MALRD1: variants seen among roughly 807,000 people sequenced by gnomAD.
MALRD1 encodes the protein MAM and LDL receptor class A domain containing 1.
A neutral mutation model predicts 242.1 loss-of-function variants in MALRD1; 247 were observed. The ratio of observed to expected loss-of-function variants is 1.02; its 90% CI spans 0.92 to 1.13. MALRD1 has a LOEUF of 1.13. Among genes scored for constraint, MALRD1 ranks in the 50% most tolerant of loss-of-function variants. MALRD1 has a pLI of 0.00. For missense variants in MALRD1, 2,989 were observed against 2,533.1 expected (o/e 1.18, Z -3.86); for synonymous variants, 995 against 866.6 (o/e 1.15, Z -2.60).
At chr10:19,515,655 G>A (rs1480090863) in intron 31 of MALRD1, among the ~76,000 whole-genome samples, 2 of 151,924 alleles carry the variant, frequency 1.3e-5, no homozygotes, top group Non-Finnish European at 2.9e-5. Flanking sequence ...TGCCTCCCGG[G>A]TTCACGCCAT....
At chr10:19,397,254 C>T (rs775200656) in intron 28 of MALRD1, among the ~76,000 whole-genome samples, 7 of 152,168 alleles carry the variant, frequency 4.6e-5, no homozygotes, top group Admixed American at 1.3e-4. Context: ...CCCCTGTCCC[C>T]TCCACATTCT....
At chr10:19,262,250 A>G (rs905551024) in intron 19 of MALRD1, among the ~76,000 whole-genome samples, 2 of 152,112 alleles carry the variant, frequency 1.3e-5, no homozygotes, top group African/African-American at 4.8e-5. Flanking sequence ...AAGGTGTACA[A>G]TATGATGTTT....
In MALRD1 at chr10:19,205,245, G is replaced by A. The variant is rs1836734290; in HGVS notation, c.2558G>A (p.Arg853His). 3.2e-6 allele frequency: 5 copies of A among 1,549,262 alleles called. No homozygotes were observed. The highest frequency in any genetic ancestry group is 2.7e-5 in the African/African-American group (2 of 73,040). ...GATCTGGTGGATGACTGTGGTGATCGTACTGATGAAGTCAACTGTGGTAAG... is the reference window on the plus strand; with the variant it reads ...GATCTGGTGGATGACTGTGGTGATCATACTGATGAAGTCAACTGTGGTAAG... ...LCDLVDDCGD[R>H]TDEVNCAPEL... Residue 853 changes from arginine to histidine, a missense_variant, in exon 17 of 40, where the codon CGT (arginine) becomes CAT (histidine). Physicochemically the swap from Arg to His is conservative, Grantham distance 29 (BLOSUM62 0). Coordinates refer to ENST00000454679, the MANE Select transcript of MALRD1 (RefSeq NM_001142308.3).
At chr10:19,105,652 A>G (rs981016215) in intron 5 of MALRD1, among the ~76,000 whole-genome samples, 6 of 152,012 alleles carry the variant, frequency 3.9e-5, no homozygotes, top group South Asian at 4.1e-4. Flanking sequence ...TACCAACAGT[A>G]TATAAGTATT....
intron 36 of MALRD1, among the ~76,000 whole-genome samples, chr10:19,643,446 C>CA (rs373802756): frequency 8.0e-5 from 12 of 149,750 alleles, no homozygotes; most frequent in Admixed American, 1.3e-4. Context: ...AACTCCGTCT[C>CA]AAAAAAAAAT....
Position 19,713,054 on chromosome 10 carries a change from T to C in MALRD1, c.6315-17652T>C, listed in dbSNP as rs1016280613. Among the ~76,000 whole-genome samples, 28 of 151,190 alleles carry C rather than the reference T, an allele frequency of 1.9e-4. 1 individual carries two copies. The highest frequency in any genetic ancestry group is 6.8e-4 in the African/African-American group (28 of 41,136). ...AGAAACCAGAAATGAAGGGGGGGGT[T>C]CCTCTTTCAGCTTTGGAGGAGACCC... On this transcript the variant is annotated intron_variant, in intron 38 of 39. Coordinates refer to ENST00000454679, the MANE Select transcript of MALRD1 (RefSeq NM_001142308.3).
rs1833154028 is a variant in MALRD1 at position 19,132,556 on chromosome 10, G to T, written c.1111-1300G>T. 2.0e-5 allele frequency among the ~76,000 whole-genome samples: 3 copies of T among 152,084 alleles called. No individual in the cohort carries two copies. The South Asian group carries it at 6.2e-4, about 32-fold the overall frequency. Reference sequence around the variant, plus strand: ...TAGATTCATTTTTAGAAAATCTTGGGCATGCATAAATTATGTGAGGCTGAG... The same window carrying T: ...TAGATTCATTTTTAGAAAATCTTGGTCATGCATAAATTATGTGAGGCTGAG... On this transcript the variant is annotated intron_variant, in intron 8 of 39. Transcript: ENST00000454679.
rs182333184 is a variant in MALRD1 at position 19,121,151 on chromosome 10, C to A, written c.695-2341C>A. ...CTCCGCCTCCTGGGTTCAAGCAATT[C>A]TCCTGCCTCAGATTTCCTGGCTGGG... is the stretch of plus-strand genomic sequence containing the variant. On this transcript the variant is annotated intron_variant, in intron 5 of 39. Transcript: ENST00000454679. 2.1e-5 allele frequency among the ~76,000 whole-genome samples: 3 copies of A among 145,944 alleles called. No homozygotes were observed. In the East Asian group the frequency reaches 6.7e-4, roughly 32 times the overall value.
chr10:19,114,738 A>G (rs1393022606), intron 5 of MALRD1, among the ~76,000 whole-genome samples: 1 of 152,184 alleles, frequency 6.6e-6, no homozygotes, highest in African/African-American at 2.4e-5. Flanking sequence ...CTGCCATAAC[A>G]AAGTACCTCA....
intron 26 of MALRD1, among the ~76,000 whole-genome samples, chr10:19,380,752 T>G (rs1174070527): frequency 6.6e-6 from 1 of 152,204 alleles, no homozygotes; most frequent in Non-Finnish European, 1.5e-5. Flanking sequence ...TGCCACATTT[T>G]GATACATTAC....
At chr10:19,530,418 A>ATTTATAT (rs1200557957) in intron 31 of MALRD1, among the ~76,000 whole-genome samples, 1 of 83,770 alleles carries the variant, frequency 1.2e-5, no homozygotes, top group African/African-American at 6.3e-5. Context: ...TTTATATAAT[A>ATTTATAT]ATAAATATAT....
intron 24 of MALRD1, among the ~76,000 whole-genome samples, chr10:19,345,803 T>G (rs1844094343): frequency 6.6e-6 from 1 of 152,100 alleles, no homozygotes; most frequent in African/African-American, 2.4e-5. Flanking sequence ...AATGATTATT[T>G]TAAGCCCTTT....
intron 8 of MALRD1, among the ~76,000 whole-genome samples, chr10:19,132,201 G>A (rs1035779559): frequency 2.6e-5 from 4 of 152,274 alleles, no homozygotes; most frequent in Middle Eastern, 3.4e-3. Flanking sequence ...AAATGAAAAC[G>A]GGGAAAGTGG....
At chr10:19,249,533 C>G (rs1195206778) in intron 18 of MALRD1, among the ~76,000 whole-genome samples, 2 of 151,784 alleles carry the variant, frequency 1.3e-5, no homozygotes, top group East Asian at 3.9e-4. Flanking sequence ...ACATTAAGAG[C>G]TTATAATGTG....
intron 2 of MALRD1, among the ~76,000 whole-genome samples, chr10:19,068,123 C>G (rs565982328): frequency 6.6e-6 from 1 of 152,012 alleles, no homozygotes; most frequent in East Asian, 1.9e-4. Context: ...ATATGTCTCT[C>G]CTTTGTTTCT....
At position 19,567,696 on chromosome 10, in the gene MALRD1, G is replaced by T; in HGVS notation, c.5673G>T (p.Val1891=). ...ACATCTCTTTTACCCCAGAGTGTGT[G>T]ACTGGAGGTAAGTGATTCTTTCAGA... The part of the protein sequence containing the change: ...LDDISFTPEC[V]TGGPVPVQPS... The change falls in exon 33 of 40, where the codon GTG becomes GTT. Residue 1891 remains valine (V), a synonymous_variant. Coordinates refer to ENST00000454679, the MANE Select transcript of MALRD1 (RefSeq NM_001142308.3). 2 of 1,550,152 alleles carry T rather than the reference G, an allele frequency of 1.3e-6. No homozygotes were observed. The highest frequency in any genetic ancestry group is 2.4e-5 in the South Asian group (2 of 84,002).
intron 21 of MALRD1, among the ~76,000 whole-genome samples, chr10:19,304,772 ACTTTT>A (rs1480365623): frequency 6.6e-6 from 1 of 151,792 alleles, no homozygotes; most frequent in African/African-American, 2.4e-5. Context: ...TCATAAATAA[ACTTTT>A]CTTTATTTCT....
At chr10:19,717,412 G>A (rs1212440189) in intron 38 of MALRD1, among the ~76,000 whole-genome samples, 2 of 152,200 alleles carry the variant, frequency 1.3e-5, no homozygotes, top group Admixed American at 1.3e-4. Flanking sequence ...GAAGAAGACA[G>A]TGTATAATTT....
At chr10:19,327,036 A>T (rs1048002397) in intron 22 of MALRD1, among the ~76,000 whole-genome samples, 5 of 152,016 alleles carry the variant, frequency 3.3e-5, no homozygotes, top group Admixed American at 2.6e-4. Flanking sequence ...TGTTTGTTTC[A>T]TGGCTGTTGG....
Sources: allele counts gnomAD v4.1 joint callset (sites outside exome capture counted in the v4.1 genomes callset), GRCh38; gene constraint gnomAD v4.1.1; transcripts MANE v1.5; gene names NCBI Gene and HGNC (gene_info 2026-07-23, HGNC 2026-07-21).